Variants in CSMD1 observed in about 807,000 individuals in gnomAD.
The protein encoded by CSMD1 is CUB and sushi domain-containing protein 1.
A neutral mutation model predicts 417.5 loss-of-function variants in CSMD1; 213 were observed. The observed-to-expected ratio is 0.51, with a 90% confidence interval of 0.46 to 0.57. CSMD1 has a LOEUF of 0.57. Ranked by LOEUF, CSMD1 falls within the 20% of genes least tolerant of loss-of-function variation. The pLI, the probability that CSMD1 is intolerant of heterozygous loss-of-function variation, is 0.00. For missense variants in CSMD1, 6,923 were observed against 4,529.7 expected (o/e 1.53, Z -15.17); for synonymous variants, 2,862 against 1,736.8 (o/e 1.65, Z -16.11).
chr8:3,603,623 G>T (rs1184304719), intron 8 of CSMD1, among the ~76,000 whole-genome samples: 1 of 152,196 alleles, frequency 6.6e-6, no homozygotes, highest in Admixed American at 6.5e-5. Context: ...GAATGGAAAC[G>T]GATTATGTCA....
chr8:4,238,816 C>A (rs555184117), intron 3 of CSMD1, among the ~76,000 whole-genome samples: 1 of 152,258 alleles, frequency 6.6e-6, no homozygotes, highest in East Asian at 1.9e-4. Flanking sequence ...AATGCTTTGG[C>A]CCACACTCAA....
intron 1 of CSMD1, 54 bp from the exon 2 acceptor site, chr8:4,637,612 G>A: frequency 2.3e-6 from 2 of 880,994 alleles, no homozygotes; most frequent in South Asian, 1.9e-5. Context: ...TCTTTAATCT[G>A]TGATTTAAAA....
At chr8:2,970,714 C>T (rs1291935506) in intron 57 of CSMD1, among the ~76,000 whole-genome samples, 1 of 152,148 alleles carries the variant, frequency 6.6e-6, no homozygotes, top group Non-Finnish European at 1.5e-5. Context: ...GGTCTAGAGC[C>T]AAAATGTCAC....
chr8:4,803,051 T>C (rs976031020), intron 1 of CSMD1, among the ~76,000 whole-genome samples: 18 of 152,160 alleles, frequency 1.2e-4, no homozygotes, highest in African/African-American at 4.3e-4. Flanking sequence ...TCTAATTCAA[T>C]AAAAACAGAT....
intron 25 of CSMD1, among the ~76,000 whole-genome samples, chr8:3,302,052 G>C (rs879568644): frequency 2.6e-5 from 4 of 152,096 alleles, no homozygotes; most frequent in Non-Finnish European, 5.9e-5. Context: ...GATATTGAGG[G>C]AGGAGAAATA....
intron 1 of CSMD1, among the ~76,000 whole-genome samples, chr8:4,812,386 C>T (rs1213208791): frequency 6.6e-6 from 1 of 152,136 alleles, no homozygotes; most frequent in African/African-American, 2.4e-5. Flanking sequence ...GGTATAAATT[C>T]TACTGCTCTA....
At chr8:4,090,608 C>A (rs550105064) in intron 3 of CSMD1, among the ~76,000 whole-genome samples, 3 of 152,106 alleles carry the variant, frequency 2.0e-5, no homozygotes, top group African/African-American at 7.2e-5. Flanking sequence ...GTGTGATACA[C>A]GAATTCTCAG....
At chr8:4,803,891 C>A (rs1383120937) in intron 1 of CSMD1, among the ~76,000 whole-genome samples, 1 of 152,118 alleles carries the variant, frequency 6.6e-6, no homozygotes, top group African/African-American at 2.4e-5. Flanking sequence ...CAAGTGTTAA[C>A]TGCCTGAGAA....
At chr8:4,668,181 TATA>T (rs1424620288) in intron 1 of CSMD1, among the ~76,000 whole-genome samples, 1 of 152,072 alleles carries the variant, frequency 6.6e-6, no homozygotes, top group Non-Finnish European at 1.5e-5. Context: ...TGGATTTGAG[TATA>T]ATAACTTCTG....
intron 5 of CSMD1, among the ~76,000 whole-genome samples, chr8:3,845,199 T>G (rs1482298035): frequency 6.6e-6 from 1 of 152,214 alleles, no homozygotes; most frequent in African/African-American, 2.4e-5. Flanking sequence ...AGGAAAATAG[T>G]GCAACTATGC....
chr8:3,699,559 T>G (rs1450681908), intron 7 of CSMD1, among the ~76,000 whole-genome samples: 1 of 152,180 alleles, frequency 6.6e-6, no homozygotes, highest in Non-Finnish European at 1.5e-5. Context: ...TTTCTATATT[T>G]TATGGGTTGA....
chr8:4,125,054 G>A (rs1056424625), intron 3 of CSMD1, among the ~76,000 whole-genome samples: 5 of 152,042 alleles, frequency 3.3e-5, no homozygotes, highest in African/African-American at 1.2e-4. Context: ...TAATTCAGCT[G>A]TAACACTCGC....
intron 3 of CSMD1, among the ~76,000 whole-genome samples, chr8:4,373,575 C>T (rs1222486567): frequency 2.0e-5 from 3 of 152,166 alleles, no homozygotes; most frequent in South Asian, 4.1e-4. Flanking sequence ...CATTTAATTT[C>T]ATCTTATTTA....
intron 2 of CSMD1, among the ~76,000 whole-genome samples, chr8:4,484,767 A>C (rs1585150093): frequency 6.6e-6 from 1 of 152,154 alleles, no homozygotes; most frequent in Non-Finnish European, 1.5e-5. Flanking sequence ...CAGGAGATCG[A>C]GACCATCCTG....
chr8:3,274,717 T>C (rs1258949677), intron 26 of CSMD1, among the ~76,000 whole-genome samples: 2 of 152,184 alleles, frequency 1.3e-5, no homozygotes, highest in Non-Finnish European at 2.9e-5. Flanking sequence ...TTTGTTGGTT[T>C]AAAGTCTGTT....
At chr8:3,827,098 C>G (rs1400714105) in intron 5 of CSMD1, among the ~76,000 whole-genome samples, 1 of 152,146 alleles carries the variant, frequency 6.6e-6, no homozygotes, top group Non-Finnish European at 1.5e-5. Flanking sequence ...AATATCTTCT[C>G]TATTTTAGAT....
intron 3 of CSMD1, among the ~76,000 whole-genome samples, chr8:4,124,003 T>C (rs1399100620): frequency 6.6e-6 from 1 of 152,184 alleles, no homozygotes; most frequent in African/African-American, 2.4e-5. Context: ...AATTAAAATA[T>C]TAATGGATTA....
chr8:4,282,493 T>C (rs1465120047), intron 3 of CSMD1, among the ~76,000 whole-genome samples: 2 of 152,218 alleles, frequency 1.3e-5, no homozygotes, highest in Admixed American at 6.5e-5. Context: ...TAGTATGACA[T>C]CGTTATCTCC....
Position 3,468,717 on chromosome 8 carries a change from T to A in CSMD1, c.1556A>T (p.Tyr519Phe), listed in dbSNP as rs763908076. 6.9e-6 allele frequency: 11 copies of A among 1,595,800 alleles called. No individual in the cohort carries two copies. In the East Asian group the frequency reaches 1.1e-4, roughly 16 times the overall value. Reference protein sequence around the residue: ...SIGSPGFKAVYQEIEKGGCGD... With the variant: ...SIGSPGFKAVFQEIEKGGCGD... ...GAAGTGTAATCTCATCATACCTTGG[T>A]AAACAGCTTTAAACCCAGGTGAGCC... Residue 519 changes from tyrosine (Y) to phenylalanine (F), a missense_variant, in exon 12 of 70, where the codon TAC becomes TTC. By Grantham distance (22) the Tyr-to-Phe change is conservative. Coordinates refer to ENST00000635120, the MANE Select transcript of CSMD1 (RefSeq NM_033225.6).
Sources: gnomAD v4.1 joint callset for allele counts (sites outside exome capture counted in the v4.1 genomes callset) on GRCh38, gnomAD v4.1.1 for gene constraint, MANE v1.5 for transcripts, NCBI Gene and HGNC (gene_info 2026-07-23, HGNC 2026-07-21) for gene names.